Variants in SPECC1L observed in about 807,000 individuals in gnomAD.
SPECC1L encodes the protein cytospin-A.
Under a neutral mutation model 116.8 loss-of-function variants are expected in SPECC1L, and 40 were observed. The ratio of observed to expected loss-of-function variants is 0.34; its 90% CI spans 0.27 to 0.45. The LOEUF is 0.45. Among genes scored for constraint, SPECC1L ranks in the 20% least tolerant of loss-of-function variants. The pLI, the probability that SPECC1L is intolerant of heterozygous loss-of-function variation, is 1.00. For synonymous variants in SPECC1L, 504 were observed against 500.6 expected (o/e 1.01, Z -0.09); for missense variants, 1,110 against 1,373.6 (o/e 0.81, Z 3.03).
intron 1 of SPECC1L, among the ~76,000 whole-genome samples, chr22:24,272,876 CTT>C (rs968132468): frequency 6.6e-6 from 1 of 152,084 alleles, no homozygotes; most frequent in Non-Finnish European, 1.5e-5. Context: ...GATTCAGTGA[CTT>C]TTTTGATAGC....
chr22:24,390,539 C>T (rs2042243040), intron 14 of SPECC1L, among the ~76,000 whole-genome samples: 1 of 152,168 alleles, frequency 6.6e-6, no homozygotes, highest in African/African-American at 2.4e-5. Context: ...TTGTCACTTG[C>T]ATGGAAACTA....
At chr22:24,311,417 G>A (rs1264171266) in intron 3 of SPECC1L, among the ~76,000 whole-genome samples, 2 of 152,208 alleles carry the variant, frequency 1.3e-5, no homozygotes, top group Admixed American at 1.3e-4. Flanking sequence ...GCTAAGAGAG[G>A]AGGGACAAAT....
At chr22:24,272,817 A>T (rs1012196097) in intron 1 of SPECC1L, among the ~76,000 whole-genome samples, 5 of 152,196 alleles carry the variant, frequency 3.3e-5, no homozygotes, top group Non-Finnish European at 4.4e-5. Context: ...CTCCAAAAAA[A>T]CACCTTTTCC....
At chr22:24,409,177 A>G (rs2042646544) in intron 14 of SPECC1L, among the ~76,000 whole-genome samples, 1 of 152,246 alleles carries the variant, frequency 6.6e-6, no homozygotes, top group South Asian at 2.1e-4. Context: ...TGTTAACATC[A>G]TTCTGTGAAT....
At chr22:24,352,675 C>A (rs903032754) in intron 11 of SPECC1L, among the ~76,000 whole-genome samples, 1 of 152,196 alleles carries the variant, frequency 6.6e-6, no homozygotes, top group African/African-American at 2.4e-5. Flanking sequence ...AGCTTTAGAT[C>A]TAGCCTTAGG....
intron 2 of SPECC1L, among the ~76,000 whole-genome samples, chr22:24,290,875 A>G (rs1321628925): frequency 2.0e-5 from 3 of 152,246 alleles, no homozygotes; most frequent in African/African-American, 7.2e-5. Context: ...TATTTGATTT[A>G]AACACTTCTT....
chr22:24,387,569 C>T (rs1019310443), intron 14 of SPECC1L, among the ~76,000 whole-genome samples: 14 of 152,092 alleles, frequency 9.2e-5, no homozygotes, highest in Admixed American at 6.6e-4. Flanking sequence ...GGAATGTTGT[C>T]GCCCCAATTA....
Position 24,276,802 on chromosome 22 carries a change from C to T in SPECC1L, c.-39C>T, listed in dbSNP as rs199537317. ...GGGCTACTTTATTCCAGAACAATCA[C>T]AGTGAGACCTTTTCTCCCAATAAAT... On this transcript the variant is annotated splice_region_variant and 5_prime_UTR_variant, in exon 2 of 17. Coordinates refer to ENST00000314328, the MANE Select transcript of SPECC1L (RefSeq NM_015330.6). The T allele has an allele frequency of 1.1e-5, 5 of 452,974 alleles. No homozygotes were observed. The highest frequency in any genetic ancestry group is 8.0e-5 in the African/African-American group (4 of 50,024). 28.1% of individuals were successfully genotyped at this position (452,974 alleles called of 1,614,324 possible). A position where few individuals can be genotyped will look rare whatever the true frequency, so the allele number is the denominator to read the frequency against.
At chr22:24,291,927 G>T (rs572648178) in intron 2 of SPECC1L, among the ~76,000 whole-genome samples, 1 of 152,148 alleles carries the variant, frequency 6.6e-6, no homozygotes, top group African/African-American at 2.4e-5. Flanking sequence ...TAATTAAATA[G>T]GAAATTTAAA....
chr22:24,375,567 T>C (rs2041955958), intron 14 of SPECC1L, among the ~76,000 whole-genome samples: 1 of 152,226 alleles, frequency 6.6e-6, no homozygotes, highest in Admixed American at 6.5e-5. Flanking sequence ...CACTAGACAC[T>C]GTAAAAGCAT....
intron 14 of SPECC1L, among the ~76,000 whole-genome samples, chr22:24,404,214 G>A (rs1358965192): frequency 6.6e-6 from 1 of 152,162 alleles, no homozygotes; most frequent in Non-Finnish European, 1.5e-5. Context: ...ACTTGTTGGA[G>A]TGCTGAGGGG....
At chr22:24,285,220 T>G (rs1008362934) in intron 2 of SPECC1L, among the ~76,000 whole-genome samples, 2 of 152,182 alleles carry the variant, frequency 1.3e-5, no homozygotes, top group Non-Finnish European at 2.9e-5. Flanking sequence ...TGTGACAAGA[T>G]AGAAGAAAGT....
chr22:24,274,910 GTC>G (rs1358563153), intron 1 of SPECC1L, among the ~76,000 whole-genome samples: 1 of 152,202 alleles, frequency 6.6e-6, no homozygotes, highest in East Asian at 1.9e-4. Flanking sequence ...AATCTCTGCA[GTC>G]TCCTTGTCTC....
intron 8 of SPECC1L, among the ~76,000 whole-genome samples, chr22:24,332,844 A>G (rs749672820): frequency 2.6e-5 from 4 of 152,188 alleles, no homozygotes; most frequent in Non-Finnish European, 4.4e-5. Flanking sequence ...CTTATAAACA[A>G]AAGCTTTTTG....
rs79341451 is a variant in SPECC1L, at chr22:24,330,549, G to A, written c.2396+118G>A. 8.8e-3 allele frequency: 9,849 copies of A among 1,116,594 alleles called. 607 individuals carry two copies. The African/African-American group carries it at 0.13, about 15-fold the overall frequency. The allele number at this position is 1,116,594 out of a possible 1,614,324, so 69.2% of individuals were successfully genotyped here. A position where few individuals can be genotyped will look rare whatever the true frequency, so the allele number is the denominator to read the frequency against. ...TTTGATACTTACTGAGTTTGGATCT[G>A]ATGGAAGTTACTCAGCTTTTCTGGG... On this transcript the variant is annotated intron_variant, in intron 8 of 16. Coordinates refer to ENST00000314328, the MANE Select transcript of SPECC1L (RefSeq NM_015330.6).
At chr22:24,331,950 C>T (rs559276878) in intron 8 of SPECC1L, among the ~76,000 whole-genome samples, 1 of 152,040 alleles carries the variant, frequency 6.6e-6, no homozygotes, top group Non-Finnish European at 1.5e-5. Flanking sequence ...ATGGGAAGTA[C>T]AGAAAAAGCA....
chr22:24,403,619 C>T (rs576394893), intron 14 of SPECC1L, among the ~76,000 whole-genome samples: 3 of 152,272 alleles, frequency 2.0e-5, no homozygotes, highest in African/African-American at 7.2e-5. Flanking sequence ...GCCCTCCAGC[C>T]CCTCCGCTCT....
At chr22:24,402,139 T>TTCCCCTTCCTTCCCCTTCCG (rs1556311840) in intron 14 of SPECC1L, among the ~76,000 whole-genome samples, 1 of 109,320 alleles carries the variant, frequency 9.1e-6, no homozygotes, top group Non-Finnish European at 1.8e-5. Context: ...TTCCCCTTCC[T>TTCCCCTTCCTTCCCCTTCCG]TCCCCTTCCC....
At chr22:24,332,462 T>A (rs2040957393) in intron 8 of SPECC1L, among the ~76,000 whole-genome samples, 1 of 152,252 alleles carries the variant, frequency 6.6e-6, no homozygotes, top group Non-Finnish European at 1.5e-5. Flanking sequence ...AGATTCCACA[T>A]TGGAGCTAAC....
Sources: gnomAD v4.1 joint callset for allele counts (sites outside exome capture counted in the v4.1 genomes callset) on GRCh38, gnomAD v4.1.1 for gene constraint, MANE v1.5 for transcripts, NCBI Gene and HGNC (gene_info 2026-07-23, HGNC 2026-07-21) for gene names.